Variants in SUDS3 observed in about 807,000 individuals in gnomAD.
SUDS3 encodes the protein SIN3A corepressor complex component SDS3, also known as sin3 histone deacetylase corepressor complex component SDS3.
A neutral mutation model predicts 53.5 loss-of-function variants in SUDS3; 23 were observed. The ratio of observed to expected loss-of-function variants is 0.43; its 90% CI spans 0.31 to 0.61. The LOEUF (loss-of-function observed/expected upper bound fraction) is 0.61. SUDS3 is among the 20% of genes least tolerant of loss of function. The pLI is 0.10. For missense variants in SUDS3, 291 were observed against 405.9 expected (o/e 0.72, Z 2.43); for synonymous variants, 150 against 148.5 (o/e 1.01, Z -0.08).
intron 6 of SUDS3, among the ~76,000 whole-genome samples, chr12:118,397,680 A>G (rs907179064): frequency 6.6e-6 from 1 of 152,118 alleles, no homozygotes; most frequent in African/African-American, 2.4e-5. Context: ...AGTCTTTTGG[A>G]TAAAATTAAT....
At chr12:118,396,891 G>T (rs1465122294) in intron 6 of SUDS3, among the ~76,000 whole-genome samples, 2 of 152,170 alleles carry the variant, frequency 1.3e-5, no homozygotes, top group East Asian at 1.9e-4. Context: ...TGTGCTCCCT[G>T]TGGTGAGGGG....
chr12:118,401,889 C>T (rs1308220495), intron 8 of SUDS3, 69 bp downstream of exon 8: 6 of 1,599,794 alleles, frequency 3.8e-6, no homozygotes, highest in Non-Finnish European at 5.1e-6. Flanking sequence ...TGTTTGTTAA[C>T]ATGTTACTTG....
intron 6 of SUDS3, among the ~76,000 whole-genome samples, chr12:118,396,173 C>G (rs571919192): frequency 6.6e-6 from 1 of 152,320 alleles, no homozygotes; most frequent in South Asian, 2.1e-4. Context: ...TGCCAATCTG[C>G]TATAATGTTT....
At position 118,391,726 on chromosome 12, in the gene SUDS3, G is replaced by A. The variant is rs1038494952; in HGVS notation, c.517+444G>A. On this transcript the variant is annotated intron_variant, in intron 6 of 11. Coordinates refer to ENST00000543473, the MANE Select transcript of SUDS3 (RefSeq NM_022491.3). Reference sequence around the variant, plus strand: ...CCCTCGCTTTGTTTTTTTCCAGTCTGCCTTAATTACAGAAAAGGTATTGTC... The same window carrying A: ...CCCTCGCTTTGTTTTTTTCCAGTCTACCTTAATTACAGAAAAGGTATTGTC... Among the ~76,000 whole-genome samples the A allele has an allele frequency of 4.6e-5, 7 of 152,256 alleles. No individual in the cohort carries two copies. In the East Asian group the frequency reaches 9.6e-4, roughly 21 times the overall value.
At position 118,403,510 on chromosome 12, in the gene SUDS3, A is replaced by G; in HGVS notation, c.796A>G (p.Lys266Glu). Residue 266 changes from lysine (K) to glutamate (E), a missense_variant, in exon 10 of 12, where the codon AAA becomes GAA. By Grantham distance (56) the Lys-to-Glu change is moderately conservative. Coordinates refer to ENST00000543473, the MANE Select transcript of SUDS3 (RefSeq NM_022491.3). ...RIEDGKLYYD[K>E]RWYHKSQAIY... is the part of the protein sequence containing the mutation. The stretch of plus-strand genomic sequence containing the variant: ...AGAAGATGGCAAACTGTACTATGAC[A>G]AAAGATGGTATGTTATGGGAAAACC... 6.2e-7 allele frequency: 1 copy of G among 1,612,442 alleles called. No individual in the cohort carries two copies. The highest frequency in any genetic ancestry group is 8.5e-7 in the Non-Finnish European group (1 of 1,179,234).
chr12:118,389,750 G>C (rs1389699053), intron 4 of SUDS3, among the ~76,000 whole-genome samples, 177 bp from the exon 5 acceptor site: 1 of 152,154 alleles, frequency 6.6e-6, no homozygotes, highest in Non-Finnish European at 1.5e-5. Flanking sequence ...ATTTTAACTA[G>C]ACTTGAGTAC....
At chr12:118,399,119 C>T (rs539708474) in intron 6 of SUDS3, among the ~76,000 whole-genome samples, 2 of 152,232 alleles carry the variant, frequency 1.3e-5, no homozygotes, top group African/African-American at 2.4e-5. Context: ...GGCTTGCACA[C>T]GGTGTAAGCG....
At chr12:118,388,197 G>A (rs2046131951) in intron 4 of SUDS3, among the ~76,000 whole-genome samples, 2 of 152,170 alleles carry the variant, frequency 1.3e-5, no homozygotes. Flanking sequence ...TAGGACTTCT[G>A]GGGGCTAAAA....
Position 118,386,204 on chromosome 12 carries a change from G to T in SUDS3, c.340+19G>T, listed in dbSNP as rs367560406. The T allele has an allele frequency of 6.4e-7, 1 of 1,570,140 alleles. No individual in the cohort carries two copies. Among genetic ancestry groups the T allele is most frequent in the Non-Finnish European group, 8.7e-7 (1 of 1,152,176 alleles). ...AATGCAGGTAAGGCTCCTTTAAATG[G>T]CAATGAATCATCTTTCAATGTTTGA... On this transcript the variant is annotated intron_variant, in intron 4 of 11. Coordinates refer to ENST00000543473, the MANE Select transcript of SUDS3 (RefSeq NM_022491.3).
In SUDS3 at chr12:118,380,615, G is replaced by T. The variant is rs148126069; in HGVS notation, c.212+384G>T. Among the ~76,000 whole-genome samples the T allele has an allele frequency of 7.1e-3, 1,077 of 152,296 alleles. 7 individuals carry two copies. Among genetic ancestry groups the T allele is most frequent in the Middle Eastern group, 0.037 (11 of 294 alleles). On this transcript the variant is annotated intron_variant, in intron 2 of 11. Coordinates refer to ENST00000543473, the MANE Select transcript of SUDS3 (RefSeq NM_022491.3). ...CATTTAATCAGTCTTCCCGTTATAAGACTTTGTTGAGTACTCTCTAGAAAG... is the reference window on the plus strand; with the variant it reads ...CATTTAATCAGTCTTCCCGTTATAATACTTTGTTGAGTACTCTCTAGAAAG...
At chr12:118,401,639 T>C in intron 7 of SUDS3, 120 bp from the exon 8 acceptor site, 2 of 844,184 alleles carry the variant, frequency 2.4e-6, no homozygotes, top group South Asian at 3.2e-5. Flanking sequence ...AAACTGTTAC[T>C]GTAGAAACAT....
chr12:118,390,231 C>T (rs1330579185), intron 5 of SUDS3, among the ~76,000 whole-genome samples: 1 of 152,172 alleles, frequency 6.6e-6, no homozygotes, highest in Non-Finnish European at 1.5e-5. Flanking sequence ...GTTATAACGG[C>T]CTAATAGTTT....
intron 6 of SUDS3, among the ~76,000 whole-genome samples, chr12:118,392,482 A>G (rs749374636): frequency 3.3e-5 from 5 of 152,190 alleles, no homozygotes; most frequent in Non-Finnish European, 5.9e-5. Context: ...GAGTTGGCAA[A>G]AGAAATGAGC....
chr12:118,394,248 A>C (rs2046194297), intron 6 of SUDS3, among the ~76,000 whole-genome samples: 1 of 152,182 alleles, frequency 6.6e-6, no homozygotes, highest in South Asian at 2.1e-4. Context: ...GTGAGATGAG[A>C]TAATGCCTAT....
At chr12:118,380,351 C>T in intron 2 of SUDS3, 120 bp downstream of exon 2, 1 of 826,030 alleles carries the variant, frequency 1.2e-6, no homozygotes, top group Non-Finnish European at 1.9e-6. Context: ...TGAGTGCCAG[C>T]ATGATGCTCA....
chr12:118,388,162 C>G (rs56157623), intron 4 of SUDS3, among the ~76,000 whole-genome samples: 17,863 of 152,256 alleles, frequency 0.12, 1,296 homozygotes, highest in Middle Eastern at 0.19. Flanking sequence ...TTCCTATGCC[C>G]AGCAATTCCC....
rs910182152 is a variant in SUDS3 at position 118,407,994 on chromosome 12, C to T, written c.804-3079C>T. Among the ~76,000 whole-genome samples, 6 of 151,336 alleles carry T rather than the reference C, an allele frequency of 4.0e-5. No homozygotes were observed. In the East Asian group the frequency reaches 7.9e-4, roughly 20 times the overall value. Reference sequence around the variant, plus strand: ...TCAGCTCACTGCAACCTCCGCCTCCCGAGTTCAAGCTGTTCTCTCCCTCAG... The same window carrying T: ...TCAGCTCACTGCAACCTCCGCCTCCTGAGTTCAAGCTGTTCTCTCCCTCAG... On this transcript the variant is annotated intron_variant, in intron 10 of 11. Transcript: ENST00000543473.
intron 3 of SUDS3, among the ~76,000 whole-genome samples, chr12:118,385,170 G>A (rs1566197788): frequency 1.3e-5 from 2 of 151,790 alleles, no homozygotes; most frequent in South Asian, 2.1e-4. Flanking sequence ...GGGCAGTGGC[G>A]CGATCTCAGC....
At chr12:118,401,067 A>AT (rs1270090467) in intron 7 of SUDS3, among the ~76,000 whole-genome samples, 2 of 152,120 alleles carry the variant, frequency 1.3e-5, no homozygotes, top group Admixed American at 1.3e-4. Flanking sequence ...ATGTGCCTTA[A>AT]TTTTTTCACC....
Sources: gnomAD v4.1 joint callset for allele counts (sites outside exome capture counted in the v4.1 genomes callset) on GRCh38, gnomAD v4.1.1 for gene constraint, MANE v1.5 for transcripts, NCBI Gene and HGNC (gene_info 2026-07-23, HGNC 2026-07-21) for gene names.